RAB3IP: variants seen among roughly 807,000 people sequenced by gnomAD.
RAB3IP encodes the protein rab-3A-interacting protein.
RAB3IP carries 36 observed loss-of-function variants against 59.1 expected under a neutral mutation model. The observed-to-expected ratio is 0.61, with a 90% CI of 0.47 to 0.80. The LOEUF (loss-of-function observed/expected upper bound fraction) is 0.80, where lower values mean the gene tolerates loss of function less well. Among genes scored for constraint, RAB3IP ranks in the 30% least tolerant of loss-of-function variants. RAB3IP has a pLI of 0.00. For synonymous variants in RAB3IP, 207 were observed against 191.2 expected, an observed-to-expected ratio of 1.08 and a Z score of -0.68; for missense variants, 511 against 536.0, an observed-to-expected ratio of 0.95 and a Z score of 0.46.
Position 69,747,335 on chromosome 12 carries a change from A to T in RAB3IP, c.-25-8049A>T, listed in dbSNP as rs576795316. Among the ~76,000 whole-genome samples the T allele has an allele frequency of 2.3e-4, 34 of 145,214 alleles. No homozygotes were observed. In the East Asian group the frequency reaches 3.4e-3, roughly 14 times the overall value. ...GTGTGTGTGTGTGTGTGTGTGTGAG[A>T]GAGAGAGAGAGAGAGGATCTTTCTC... is the stretch of plus-strand genomic sequence containing the variant. On this transcript the variant is annotated intron_variant, in intron 1 of 10. Coordinates refer to ENST00000247833, the MANE Select transcript of RAB3IP (RefSeq NM_022456.5).
intron 3 of RAB3IP, among the ~76,000 whole-genome samples, chr12:69,783,020 C>T (rs1875012258): frequency 6.6e-6 from 1 of 152,136 alleles, no homozygotes; most frequent in East Asian, 1.9e-4. Flanking sequence ...ATAAATGTTG[C>T]TGTTGAAATT....
At chr12:69,751,809 C>T (rs1869355963) in intron 1 of RAB3IP, among the ~76,000 whole-genome samples, 1 of 152,070 alleles carries the variant, frequency 6.6e-6, no homozygotes, top group South Asian at 2.1e-4. Flanking sequence ...GCTACCATCT[C>T]AGTACACAAG....
At position 69,755,568 on chromosome 12, in the gene RAB3IP, C is replaced by G; in HGVS notation, c.160C>G (p.Gln54Glu). 6.2e-7 allele frequency: 1 copy of G among 1,614,046 alleles called. No homozygotes were observed. The highest frequency in any genetic ancestry group is 1.1e-5 in the South Asian group (1 of 91,084). Residue 54 changes from glutamine to glutamate, a missense_variant, in exon 2 of 11, where the codon CAG becomes GAG. By Grantham distance (29) the Gln-to-Glu change is conservative. Transcript: ENST00000247833. ...TTCAGCTTTATCCTCTGTACCTATC[C>G]AGGCAAATGCATTAGATGTTTCTGA... ...HPSALSSVPI[Q>E]ANALDVSELP...
At chr12:69,757,953 C>CT (rs1870495552) in intron 3 of RAB3IP, among the ~76,000 whole-genome samples, 1 of 152,196 alleles carries the variant, frequency 6.6e-6, no homozygotes, top group African/African-American at 2.4e-5. Context: ...CTCTAATATG[C>CT]TGTATTTAGA....
At chr12:69,781,080 A>G (rs1874621749) in intron 3 of RAB3IP, among the ~76,000 whole-genome samples, 1 of 152,182 alleles carries the variant, frequency 6.6e-6, no homozygotes, top group Admixed American at 6.5e-5. Flanking sequence ...AATACTTAAG[A>G]AGTTAGTACA....
Position 69,760,253 on chromosome 12 carries a change from G to A in RAB3IP, c.510+3590G>A, listed in dbSNP as rs548280986. On this transcript the variant is annotated intron_variant, in intron 3 of 10. Coordinates refer to ENST00000247833, the MANE Select transcript of RAB3IP (RefSeq NM_022456.5). ...AAACCAGTCAGGCGTGGCGGCGTGC[G>A]CCTGCAATAGCAGGCACTCGGCAGG... Among the ~76,000 whole-genome samples, 308 of 152,382 alleles carry A rather than the reference G, an allele frequency of 2.0e-3. 4 individuals are homozygous for A. Among genetic ancestry groups the A allele is most frequent in the African/African-American group, 7.1e-3 (295 of 41,598 alleles).
intron 3 of RAB3IP, among the ~76,000 whole-genome samples, chr12:69,767,963 A>G (rs74571101): frequency 0.04 from 6,004 of 151,522 alleles, 127 homozygotes; most frequent in Non-Finnish European, 0.048. Flanking sequence ...GAACCAGACA[A>G]ACAGGTGCTT....
chr12:69,813,075 C>A, intron 10 of RAB3IP, 42 bp downstream of exon 10: 8 of 1,438,626 alleles, frequency 5.6e-6, no homozygotes, highest in South Asian at 1.3e-5. Flanking sequence ...CATAAAAGTT[C>A]AGCAAAAAGT....
Position 69,739,839 on chromosome 12 carries a change from C to G in RAB3IP, c.-26+808C>G, listed in dbSNP as rs200147683. 8.7e-6 allele frequency: 14 copies of G among 1,613,920 alleles called. No individual in the cohort carries two copies. The South Asian group carries it at 1.4e-4, about 16-fold the overall frequency. Reference sequence around the variant, plus strand: ...GAAGTCGCAGCATGTGAAGAGTTGCCGGTTGTTATGGGATTAAAAAAGATG... The same window carrying G: ...GAAGTCGCAGCATGTGAAGAGTTGCGGGTTGTTATGGGATTAAAAAAGATG... On this transcript the variant is annotated intron_variant, in intron 1 of 10. Transcript: ENST00000247833.
rs538037132 is a variant in RAB3IP, at chr12:69,785,394, G to A, written c.606+579G>A. Among the ~76,000 whole-genome samples, 326 of 152,228 alleles carry A rather than the reference G, an allele frequency of 2.1e-3. 8 individuals carry two copies. The highest frequency in any genetic ancestry group is 3.7e-4 in the Non-Finnish European group (25 of 68,002). On this transcript the variant is annotated intron_variant, in intron 4 of 10. Coordinates refer to ENST00000247833, the MANE Select transcript of RAB3IP (RefSeq NM_022456.5). ...TACATGTATAGAGAGATACAGAGAG[G>A]GAGAGAGAGGGACAGAGGCACTCAT...
At chr12:69,742,831 T>TA (rs1396495980) in intron 1 of RAB3IP, among the ~76,000 whole-genome samples, 1 of 152,228 alleles carries the variant, frequency 6.6e-6, no homozygotes, top group Admixed American at 6.5e-5. Context: ...TTTATAAGCT[T>TA]ACATCGTACA....
At chr12:69,758,240 A>T (rs1870539711) in intron 3 of RAB3IP, among the ~76,000 whole-genome samples, 1 of 152,144 alleles carries the variant, frequency 6.6e-6, no homozygotes, top group South Asian at 2.1e-4. Context: ...GATAGTGTAC[A>T]GTTAGGTCTT....
chr12:69,773,399 C>T (rs201113175), intron 3 of RAB3IP, among the ~76,000 whole-genome samples: 23 of 48,004 alleles, frequency 4.8e-4, no homozygotes, highest in Admixed American at 7.1e-4. Context: ...ATTTGTCTTT[C>T]TTTTTTTTTT....
In RAB3IP at chr12:69,821,593, C is replaced by G. The variant is rs766444324; in HGVS notation, c.*6147C>G. On this transcript the variant is annotated 3_prime_UTR_variant, in exon 11 of 11. Coordinates refer to ENST00000247833, the MANE Select transcript of RAB3IP (RefSeq NM_022456.5). Reference sequence around the variant, plus strand: ...GTTTTCACACAATGTGCTATTTGTCCTTCACAGTGTTTTGGTTTATTTTTC... The same window carrying G: ...GTTTTCACACAATGTGCTATTTGTCGTTCACAGTGTTTTGGTTTATTTTTC... 1 of 152,170 alleles carries G rather than the reference C, an allele frequency of 6.6e-6. No individual in the cohort carries two copies. Among genetic ancestry groups the G allele is most frequent in the Non-Finnish European group, 1.5e-5 (1 of 68,024 alleles). 9.4% of individuals were successfully genotyped at this position (152,170 alleles called of 1,614,324 possible).
chr12:69,739,731 C>G, intron 1 of RAB3IP: 1 of 1,042,224 alleles, frequency 9.6e-7, no homozygotes, highest in Non-Finnish European at 1.5e-6. Flanking sequence ...GATTGCATGG[C>G]TCTGCCCTCC....
intron 1 of RAB3IP, among the ~76,000 whole-genome samples, chr12:69,748,480 T>A (rs1197528114): frequency 6.6e-6 from 1 of 152,244 alleles, no homozygotes; most frequent in African/African-American, 2.4e-5. Flanking sequence ...GCTGTTGTTT[T>A]TGCTGTGATA....
chr12:69,801,547 A>G, intron 7 of RAB3IP, 62 bp from the exon 8 acceptor site: 1 of 1,011,672 alleles, frequency 9.9e-7, no homozygotes, highest in Non-Finnish European at 1.5e-6. Context: ...CGTTTACTGT[A>G]GAATACAATT....
chr12:69,739,949 C>T (rs1322943184), intron 1 of RAB3IP: 5 of 1,405,206 alleles, frequency 3.6e-6, no homozygotes, highest in Non-Finnish European at 5.0e-6. Context: ...GAAATGTTGC[C>T]TGTTCGGAGG....
At chr12:69,741,902 A>G (rs1038009543) in intron 1 of RAB3IP, among the ~76,000 whole-genome samples, 2 of 151,730 alleles carry the variant, frequency 1.3e-5, no homozygotes, top group African/African-American at 4.9e-5. Flanking sequence ...TTTATGAGAT[A>G]CGTAATGTTA....
Sources: gnomAD v4.1 joint callset for allele counts (sites outside exome capture counted in the v4.1 genomes callset) on GRCh38, gnomAD v4.1.1 for gene constraint, MANE v1.5 for transcripts, NCBI Gene and HGNC (gene_info 2026-07-23, HGNC 2026-07-21) for gene names.